Variants in KCNH5 observed in about 807,000 individuals in gnomAD.
The protein encoded by KCNH5 is voltage-gated delayed rectifier potassium channel KCNH5.
Under a neutral mutation model 96.1 loss-of-function variants are expected in KCNH5, and 46 were observed. The ratio of observed to expected loss-of-function variants is 0.48; its 90% CI spans 0.38 to 0.61. The LOEUF is 0.61. Among genes scored for constraint, KCNH5 ranks in the 20% least tolerant of loss-of-function variants. The pLI is 0.00. For synonymous variants in KCNH5, 439 were observed against 449.8 expected, an observed-to-expected ratio of 0.98 and a Z score of 0.30; for missense variants, 907 against 1,225.8, an observed-to-expected ratio of 0.74 and a Z score of 3.88.
At chr14:62,956,415 A>T (rs1166727368) in intron 6 of KCNH5, among the ~76,000 whole-genome samples, 2 of 152,092 alleles carry the variant, frequency 1.3e-5, no homozygotes, top group African/African-American at 4.8e-5. Flanking sequence ...TTGTTTCCTA[A>T]CACAGCTACT....
intron 8 of KCNH5, among the ~76,000 whole-genome samples, chr14:62,819,525 T>C (rs1887071771): frequency 2.0e-5 from 3 of 152,160 alleles, no homozygotes; most frequent in Non-Finnish European, 4.4e-5. Flanking sequence ...GAAAATGTTC[T>C]GGAATTAGAT....
intron 6 of KCNH5, among the ~76,000 whole-genome samples, chr14:62,952,367 C>A (rs1890023508): frequency 6.6e-6 from 1 of 152,028 alleles, no homozygotes; most frequent in African/African-American, 2.4e-5. Context: ...TGAAAGCTTT[C>A]AAAAATGGAA....
At chr14:62,711,747 GCT>G (rs1272832324) in intron 10 of KCNH5, among the ~76,000 whole-genome samples, 1 of 152,180 alleles carries the variant, frequency 6.6e-6, no homozygotes, top group Non-Finnish European at 1.5e-5. Context: ...ATCCCCTAGA[GCT>G]CAGGAAGCCA....
At chr14:62,776,611 C>T (rs1886101537) in intron 10 of KCNH5, among the ~76,000 whole-genome samples, 1 of 152,154 alleles carries the variant, frequency 6.6e-6, no homozygotes, top group South Asian at 2.1e-4. Context: ...TTGAGATTGG[C>T]CCACAAATCC....
chr14:63,008,697 A>G (rs1891171510), intron 2 of KCNH5, among the ~76,000 whole-genome samples: 1 of 152,142 alleles, frequency 6.6e-6, no homozygotes, highest in Non-Finnish European at 1.5e-5. Flanking sequence ...CCATAATCTT[A>G]TATCTAGACT....
intron 8 of KCNH5, among the ~76,000 whole-genome samples, chr14:62,814,729 AC>A (rs1436750739): frequency 7.2e-6 from 1 of 138,428 alleles, no homozygotes; most frequent in Non-Finnish European, 1.5e-5. Flanking sequence ...GTTGCAGTGA[AC>A]CAAGTTCACA....
chr14:62,874,684 C>T (rs1221065549), intron 7 of KCNH5, among the ~76,000 whole-genome samples: 48 of 147,438 alleles, frequency 3.3e-4, no homozygotes, highest in African/African-American at 9.6e-4. Flanking sequence ...ATTGATGGGA[C>T]GTATTTCAAA....
intron 2 of KCNH5, among the ~76,000 whole-genome samples, chr14:63,009,666 G>T (rs971840640): frequency 3.3e-5 from 5 of 152,146 alleles, no homozygotes; most frequent in Non-Finnish European, 7.4e-5. Flanking sequence ...AAGTGTTCTG[G>T]AGGTTAATTC....
At chr14:62,809,493 T>A in intron 8 of KCNH5, among the ~76,000 whole-genome samples, 1 of 152,014 alleles carries the variant, frequency 6.6e-6, no homozygotes, top group East Asian at 1.9e-4. Flanking sequence ...TTCTCACAGG[T>A]CCAGGAGCCA....
chr14:62,874,132 G>C (rs991992942), intron 7 of KCNH5, among the ~76,000 whole-genome samples: 3 of 152,062 alleles, frequency 2.0e-5, no homozygotes, highest in African/African-American at 7.2e-5. Context: ...AGGTTTTTGC[G>C]GGACACTTTG....
chr14:62,962,050 G>T (rs1280740679), intron 6 of KCNH5, among the ~76,000 whole-genome samples: 1 of 151,598 alleles, frequency 6.6e-6, no homozygotes, highest in Non-Finnish European at 1.5e-5. Context: ...TGGAGACGGA[G>T]ATGGAGAGAA....
At chr14:62,916,174 G>A (rs745955294) in intron 7 of KCNH5, among the ~76,000 whole-genome samples, 11 of 151,858 alleles carry the variant, frequency 7.2e-5, no homozygotes, top group African/African-American at 2.2e-4. Context: ...GGATGGGCTC[G>A]ATCTCCTGAC....
At chr14:62,779,618 T>C in intron 10 of KCNH5, 110 bp downstream of exon 10, 11 of 819,714 alleles carry the variant, frequency 1.3e-5, no homozygotes, top group South Asian at 6.4e-5. Context: ...TTTACATTGA[T>C]GGGAATTTAG....
At chr14:62,887,154 C>T (rs114919331) in intron 7 of KCNH5, among the ~76,000 whole-genome samples, 2,306 of 152,170 alleles carry the variant, frequency 0.015, 59 homozygotes, top group African/African-American at 0.053. Flanking sequence ...TGCAGAAATC[C>T]GAGAAAATAC....
chr14:62,974,254 TC>T (rs1890461231), intron 6 of KCNH5, among the ~76,000 whole-genome samples: 1 of 152,170 alleles, frequency 6.6e-6, no homozygotes, highest in African/African-American at 2.4e-5. Context: ...TCATCAAAAT[TC>T]CCCATGTTTC....
intron 8 of KCNH5, 96 bp downstream of exon 8, chr14:62,849,557 G>A (rs549706125): frequency 1.3e-5 from 12 of 949,390 alleles, no homozygotes; most frequent in African/African-American, 6.6e-5. Context: ...TAACAGTTAC[G>A]AAGCAATTAT....
chr14:62,960,073 A>T (rs1167498165), intron 6 of KCNH5, among the ~76,000 whole-genome samples: 1 of 152,108 alleles, frequency 6.6e-6, no homozygotes, highest in African/African-American at 2.4e-5. Flanking sequence ...CTCACTCTCC[A>T]TCCAATTTTC....
chr14:62,756,871 C>T (rs1272663691), intron 10 of KCNH5, among the ~76,000 whole-genome samples: 3 of 152,182 alleles, frequency 2.0e-5, no homozygotes, highest in Non-Finnish European at 4.4e-5. Flanking sequence ...TGTGGAAATT[C>T]TCCAGAACCT....
intron 10 of KCNH5, among the ~76,000 whole-genome samples, chr14:62,771,151 C>T (rs1385587780): frequency 6.6e-6 from 1 of 152,172 alleles, no homozygotes; most frequent in Admixed American, 6.5e-5. Flanking sequence ...CCTACTGCAC[C>T]TTGATTTTGG....
Sources: allele counts gnomAD v4.1 joint callset (sites outside exome capture counted in the v4.1 genomes callset), GRCh38; gene constraint gnomAD v4.1.1; transcripts MANE v1.5; gene names NCBI Gene and HGNC (gene_info 2026-07-23, HGNC 2026-07-21).